SRSF4: variants seen among roughly 807,000 people sequenced by gnomAD.
SRSF4 encodes serine/arginine-rich splicing factor 4.
In SRSF4, 12 loss-of-function variants were observed where a neutral mutation model predicts 48.8. The observed-to-expected ratio is 0.25, with a 90% CI of 0.16 to 0.40. The LOEUF (loss-of-function observed/expected upper bound fraction) is 0.40. SRSF4 is among the 10% of genes least tolerant of loss of function. SRSF4 has a pLI of 1.00. For synonymous variants in SRSF4, 248 were observed against 232.5 expected (o/e 1.07, Z -0.61); for missense variants, 466 against 667.1 (o/e 0.70, Z 3.32).
At chr1:29,177,763 G>T (rs1260567671) in intron 1 of SRSF4, among the ~76,000 whole-genome samples, 2 of 152,082 alleles carry the variant, frequency 1.3e-5, no homozygotes, top group East Asian at 3.8e-4. Flanking sequence ...TAAAACGGTA[G>T]GCAATGAACT....
chr1:29,181,552 G>A, intron 1 of SRSF4, 94 bp downstream of exon 1: 2 of 1,131,760 alleles, frequency 1.8e-6, no homozygotes, highest in South Asian at 1.6e-5. Flanking sequence ...TAGCCGCTCC[G>A]CGCGGACCAG....
chr1:29,148,799 T>C lies in SRSF4; in HGVS notation c.1096A>G (p.Ser366Gly). Residue 366 changes from serine (S) to glycine (G), a missense_variant, in exon 6 of 6, where the codon AGT becomes GGT. Ser to Gly is a moderately conservative substitution (Grantham distance 56). Coordinates refer to ENST00000373795, the MANE Select transcript of SRSF4 (RefSeq NM_005626.5). ...GRKRSREESR[S>G]RSRSRSKSER... The stretch of plus-strand genomic sequence containing the variant: ...CTCTTGCTGCGGCTGCGACTGCGAC[T>C]GCGGCTCTCCTCTCTGCTTCTCTTC... 1.2e-6 allele frequency: 2 copies of C among 1,610,706 alleles called. No homozygotes were observed. Among genetic ancestry groups the C allele is most frequent in the Non-Finnish European group, 1.7e-6 (2 of 1,177,782 alleles).
rs1672330901 is a variant in SRSF4, at chr1:29,147,986, T to C, written c.*424A>G. ...TAAGTCCAAAAATATGAAACCAAAG[T>C]GGTAGGAAACTTAAGACTTAGCACT... On this transcript the variant is annotated 3_prime_UTR_variant, in exon 6 of 6. Transcript: ENST00000373795. 1 of 432,908 alleles carries C rather than the reference T, an allele frequency of 2.3e-6. No homozygotes were observed. Among genetic ancestry groups the C allele is most frequent in the Non-Finnish European group, 4.7e-6 (1 of 213,022 alleles). 26.8% of individuals were successfully genotyped at this position (432,908 alleles called of 1,614,324 possible).
chr1:29,155,260 T>C (rs1372345033), intron 3 of SRSF4, among the ~76,000 whole-genome samples: 1 of 151,958 alleles, frequency 6.6e-6, no homozygotes, highest in Non-Finnish European at 1.5e-5. Context: ...GAAGACCCTA[T>C]CTCTACAAAA....
chr1:29,164,486 A>G (rs1672641402), intron 1 of SRSF4, among the ~76,000 whole-genome samples: 1 of 152,122 alleles, frequency 6.6e-6, no homozygotes, highest in Non-Finnish European at 1.5e-5. Flanking sequence ...AATATAAAAT[A>G]CACACATGCA....
chr1:29,177,844 T>C (rs532900827), intron 1 of SRSF4, among the ~76,000 whole-genome samples: 6 of 152,144 alleles, frequency 3.9e-5, no homozygotes, highest in Non-Finnish European at 5.9e-5. Flanking sequence ...TAAATCTCCT[T>C]TGAAGAACTC....
In SRSF4 at chr1:29,149,055, A is replaced by G; in HGVS notation, c.840T>C (p.Asn280=). Residue 280 remains asparagine (N), a synonymous_variant, in exon 6 of 6, where the codon AAT becomes AAC. Transcript: ENST00000373795. The stretch of plus-strand genomic sequence containing the variant: ...GGCTCTTGGGTTTCCCGACATTGTC[A>G]TTGTTTTGGATCTTCTCTTCAGCTT... ...KDQAEEKIQN[N]DNVGKPKSRS... 6.2e-7 allele frequency: 1 copy of G among 1,611,070 alleles called. No homozygotes were observed.
intron 4 of SRSF4, among the ~76,000 whole-genome samples, chr1:29,154,001 AT>A (rs1345887475): frequency 6.6e-6 from 1 of 151,300 alleles, no homozygotes; most frequent in Non-Finnish European, 1.5e-5. Flanking sequence ...GGTTCAAGCG[AT>A]TCCCATGCCT....
intron 1 of SRSF4, 30 bp downstream of exon 1, chr1:29,181,616 C>T: frequency 6.4e-7 from 1 of 1,559,078 alleles, no homozygotes; most frequent in East Asian, 2.6e-5. Flanking sequence ...TCTGTCCCCG[C>T]CCGGCCGGAC....
At chr1:29,150,926 C>G (rs538435884) in intron 4 of SRSF4, among the ~76,000 whole-genome samples, 1 of 152,306 alleles carries the variant, frequency 6.6e-6, no homozygotes, top group East Asian at 1.9e-4. Context: ...CAACAACCAG[C>G]CTTTCTGTGT....
chr1:29,159,551 C>T, intron 2 of SRSF4, 65 bp from the exon 3 acceptor site: 2 of 1,078,654 alleles, frequency 1.9e-6, no homozygotes, highest in South Asian at 1.4e-5. Context: ...TGACACAGCA[C>T]ACACCCCCCC....
chr1:29,163,864 G>A (rs1264174618), intron 1 of SRSF4, among the ~76,000 whole-genome samples: 1 of 152,204 alleles, frequency 6.6e-6, no homozygotes, highest in Non-Finnish European at 1.5e-5. Context: ...CTGGGTTCTA[G>A]TCTTGGTTCT....
intron 4 of SRSF4, among the ~76,000 whole-genome samples, chr1:29,152,054 G>C (rs544966208): frequency 6.6e-6 from 1 of 152,202 alleles, no homozygotes; most frequent in African/African-American, 2.4e-5. Flanking sequence ...GAGGTGGGAG[G>C]ACCGCTTGAA....
intron 1 of SRSF4, chr1:29,171,856 G>A (rs1304082533): frequency 1.3e-5 from 2 of 152,142 alleles, no homozygotes; most frequent in Non-Finnish European, 2.9e-5. Flanking sequence ...TGAGAAAGGA[G>A]GAGCAAAACA....
intron 1 of SRSF4, 110 bp downstream of exon 1, chr1:29,181,536 G>A (rs1574207061): frequency 5.1e-6 from 5 of 972,188 alleles, no homozygotes; most frequent in East Asian, 6.1e-5. Flanking sequence ...AGCCTGGCCA[G>A]GCCGGTAGCC....
At chr1:29,154,087 CTT>C (rs998061499) in intron 4 of SRSF4, among the ~76,000 whole-genome samples, 1 of 151,820 alleles carries the variant, frequency 6.6e-6, no homozygotes, top group Non-Finnish European at 1.5e-5. Context: ...GAGTTTCGCT[CTT>C]GTTGCCCAGG....
chr1:29,176,883 T>C (rs1196365745), intron 1 of SRSF4, among the ~76,000 whole-genome samples: 1 of 152,256 alleles, frequency 6.6e-6, no homozygotes, highest in African/African-American at 2.4e-5. Flanking sequence ...TTCTGAAGTT[T>C]AAATCCAAGT....
At position 29,153,437 on chromosome 1, in the gene SRSF4, C is replaced by T. The variant is rs141220492; in HGVS notation, c.578+1259G>A. The stretch of plus-strand genomic sequence containing the variant: ...TGCTGGGATTACAGGTGTAAGCCAC[C>T]GCGTCTGGCCATTTGTCTTCTTTAC... On this transcript the variant is annotated intron_variant, in intron 4 of 5. Transcript: ENST00000373795. Among the ~76,000 whole-genome samples the T allele has an allele frequency of 9.8e-3, 1,485 of 151,022 alleles. 6 individuals carry two copies. The highest frequency in any genetic ancestry group is 0.014 in the Non-Finnish European group (968 of 67,722).
intron 3 of SRSF4, among the ~76,000 whole-genome samples, chr1:29,156,182 T>C (rs1296695834): frequency 6.6e-6 from 1 of 152,038 alleles, no homozygotes; most frequent in Admixed American, 6.6e-5. Flanking sequence ...TGTGAAACCT[T>C]GTCTCTACTA....
Sources: gnomAD v4.1 joint callset for allele counts (sites outside exome capture counted in the v4.1 genomes callset) on GRCh38, gnomAD v4.1.1 for gene constraint, MANE v1.5 for transcripts, NCBI Gene and HGNC (gene_info 2026-07-23, HGNC 2026-07-21) for gene names.